ARHGEF18: variants seen among roughly 807,000 people sequenced by gnomAD.
ARHGEF18 encodes the protein Rho/Rac guanine nucleotide exchange factor 18.
A neutral mutation model predicts 155.7 loss-of-function variants in ARHGEF18; 93 were observed. The observed-to-expected ratio is 0.60, with a 90% CI of 0.50 to 0.71. The LOEUF (loss-of-function observed/expected upper bound fraction) is 0.71. Among genes scored for constraint, ARHGEF18 ranks in the 30% least tolerant of loss-of-function variants. The pLI is 0.00. For missense variants in ARHGEF18, 1,593 were observed against 1,816.1 expected (o/e 0.88, Z 2.23); for synonymous variants, 742 against 753.1 (o/e 0.99, Z 0.24).
chr19:7,429,067 G>A (rs968101978), intron 10 of ARHGEF18, among the ~76,000 whole-genome samples: 17 of 152,224 alleles, frequency 1.1e-4, no homozygotes, highest in African/African-American at 3.4e-4. Flanking sequence ...ACTCTGACCC[G>A]GCCCCACAGC....
At chr19:7,388,778 A>G (rs952691862) in intron 10 of ARHGEF18, among the ~76,000 whole-genome samples, 2 of 145,922 alleles carry the variant, frequency 1.4e-5, no homozygotes, top group Non-Finnish European at 3.0e-5. Context: ...ATGGGGTTTC[A>G]CCATGTTGGC....
rs551743930 is a variant in ARHGEF18, at chr19:7,363,885, GGGAT to G, written c.15+991_15+994del. Among the ~76,000 whole-genome samples the G allele has an allele frequency of 4.1e-4, 56 of 137,844 alleles. 1 individual carries two copies. The South Asian group carries it at 0.013, about 32-fold the overall frequency. 90.4% of individuals were successfully genotyped at this position (137,844 alleles called of 152,430 possible). A position where few individuals can be genotyped will look rare whatever the true frequency, so the allele number is the denominator to read the frequency against. On this transcript the variant is annotated intron_variant, in intron 2 of 28. Coordinates refer to ENST00000668164, the MANE Select transcript of ARHGEF18 (RefSeq NM_001367823.1). ...GAAAAAAGGAAGAAAGGAAGGAAGG[GGGAT>G]GGATGGATGGGTTGATGGAAGGAAG...
At chr19:7,370,805 G>A (rs8099932) in intron 2 of ARHGEF18, among the ~76,000 whole-genome samples, 15,871 of 152,094 alleles carry the variant, frequency 0.1, 2,356 homozygotes, top group African/African-American at 0.31. Context: ...CGTTATGCTC[G>A]GTGAAATAAA....
chr19:7,439,972 C>A, intron 10 of ARHGEF18: 2 of 1,544,582 alleles, frequency 1.3e-6, no homozygotes, highest in South Asian at 2.4e-5. Context: ...ATCCTGCCCT[C>A]CAGACCCGCT....
rs878978658 is a variant in ARHGEF18 at position 7,466,949 on chromosome 19, G to T, written c.2936G>T (p.Arg979Leu). The part of the protein sequence containing the change: ...VEAPGTESDP[R>L]LPTVLESELV... ...GCGCCAGGCACGGAATCCGATCCCCGTCTGCCCACCGTCCTGGAGTCGGAG... is the reference window on the plus strand; with the variant it reads ...GCGCCAGGCACGGAATCCGATCCCCTTCTGCCCACCGTCCTGGAGTCGGAG... Residue 979 changes from arginine to leucine, a missense_variant, in exon 24 of 29, where the codon CGT becomes CTT. Coordinates refer to ENST00000668164, the MANE Select transcript of ARHGEF18 (RefSeq NM_001367823.1). The T allele has an allele frequency of 1.2e-6, 2 of 1,613,292 alleles. No individual in the cohort carries two copies. The highest frequency in any genetic ancestry group is 1.7e-6 in the Non-Finnish European group (2 of 1,180,000).
intron 17 of ARHGEF18, among the ~76,000 whole-genome samples, chr19:7,455,316 G>C (rs973113673): frequency 6.6e-6 from 1 of 152,212 alleles, no homozygotes; most frequent in Admixed American, 6.5e-5. Context: ...GGAAAAACTA[G>C]TTAGAAGTCC....
intron 10 of ARHGEF18, among the ~76,000 whole-genome samples, chr19:7,425,403 G>T (rs1382710465): frequency 6.6e-6 from 1 of 152,152 alleles, no homozygotes; most frequent in Non-Finnish European, 1.5e-5. Flanking sequence ...TTAAGAATGG[G>T]CCGGGCACAG....
At chr19:7,416,898 C>T (rs958291556) in intron 10 of ARHGEF18, among the ~76,000 whole-genome samples, 5 of 151,308 alleles carry the variant, frequency 3.3e-5, no homozygotes, top group South Asian at 2.1e-4. Flanking sequence ...CCACCATGCC[C>T]GGCTGTTTTT....
At position 7,463,722 on chromosome 19, in the gene ARHGEF18, C is replaced by T; in HGVS notation, c.2636-96C>T. On this transcript the variant is annotated intron_variant, in intron 21 of 28. Transcript: ENST00000668164. The surrounding 1 kb of genome is among the most constrained non-coding windows in gnomAD (Gnocchi z 5.2). ...CAGGCGATCACCACCCCAGTGAGTC[C>T]CTCCGTCCACCCGGGTCTCGCTGCC... is the stretch of plus-strand genomic sequence containing the variant. 1 of 1,416,114 alleles carries T rather than the reference C, an allele frequency of 7.1e-7. No homozygotes were observed. The highest frequency in any genetic ancestry group is 9.4e-7 in the Non-Finnish European group (1 of 1,062,048). The allele number at this position is 1,416,114 out of a possible 1,614,324, so 87.7% of individuals were successfully genotyped here. A position where few individuals can be genotyped will look rare whatever the true frequency, so the allele number is the denominator to read the frequency against.
chr19:7,388,884 C>T (rs553100553), intron 10 of ARHGEF18, among the ~76,000 whole-genome samples: 1 of 151,968 alleles, frequency 6.6e-6, no homozygotes, highest in African/African-American at 2.4e-5. Context: ...CCTGGCCTGC[C>T]CTTTGATTTT....
intron 13 of ARHGEF18, among the ~76,000 whole-genome samples, chr19:7,442,263 GTCTC>G (rs1345134699): frequency 6.7e-6 from 1 of 149,332 alleles, no homozygotes; most frequent in African/African-American, 2.5e-5. Context: ...TTGAGACACA[GTCTC>G]TCTCTATTGC....
chr19:7,432,416 T>C (rs1202189716), intron 10 of ARHGEF18, among the ~76,000 whole-genome samples: 6 of 152,180 alleles, frequency 3.9e-5, no homozygotes, highest in South Asian at 2.1e-4. Context: ...AAGGAGTCAT[T>C]ATTTCTGAGA....
At chr19:7,465,928 A>G (rs1480457998) in intron 23 of ARHGEF18, among the ~76,000 whole-genome samples, 2 of 152,090 alleles carry the variant, frequency 1.3e-5, no homozygotes, top group African/African-American at 2.4e-5. Flanking sequence ...TACTAAAAAT[A>G]TAAAAATTAG....
rs1357973748 is a variant in ARHGEF18, at chr19:7,424,507, G to A, written c.968-15837G>A. On this transcript the variant is annotated intron_variant, in intron 10 of 28. Coordinates refer to ENST00000668164, the MANE Select transcript of ARHGEF18 (RefSeq NM_001367823.1). ...AATGCCTCGAATGTCTAACAGCAGG[G>A]AAACGATTAAAGCGATACTTACAAA... Among the ~76,000 whole-genome samples the A allele has an allele frequency of 2.6e-5, 4 of 152,154 alleles. No individual in the cohort carries two copies. In the East Asian group the frequency reaches 7.7e-4, roughly 29 times the overall value.
chr19:7,442,536 C>CTCTCTCTCTGTCTT lies in ARHGEF18; in HGVS notation c.1360+489_1360+490insCTCTGTCTTTCTCT, dbSNP rs1974727861. Among the ~76,000 whole-genome samples the CTCTCTCTCTGTCTT allele has an allele frequency of 6.6e-5, 10 of 152,022 alleles. No individual in the cohort carries two copies. The South Asian group carries it at 2.1e-3, about 32-fold the overall frequency. On this transcript the variant is annotated intron_variant, in intron 13 of 28. Coordinates refer to ENST00000668164, the MANE Select transcript of ARHGEF18 (RefSeq NM_001367823.1). ...AGGCGTGAGCCACGGTGCCTGGCCT[C>CTCTCTCTCTGTCTT]TCTCTGTCTTTCTCTCTCCTCTCTT...
chr19:7,477,918 A>G, the ARHGEF18 span, among the ~76,000 whole-genome samples: 62 of 152,250 alleles, frequency 4.1e-4, no homozygotes, highest in Non-Finnish European at 3.5e-4. Flanking sequence ...GCTACTCGGG[A>G]AGCTGAAACA....
chr19:7,444,476 T>C lies in ARHGEF18; in HGVS notation c.1611+22T>C, dbSNP rs751173821. The C allele has an allele frequency of 1.2e-6, 2 of 1,608,484 alleles. No homozygotes were observed. The highest frequency in any genetic ancestry group is 2.2e-5 in the South Asian group (2 of 91,002). ...GCAGGTGGGTGCAGCCGTGTTCATC[T>C]CAACAGTCTTCAAAGCCTCTGCCTT... On this transcript the variant is annotated intron_variant, in intron 14 of 28. Transcript: ENST00000668164. This position sits in a 1 kb window ranked among gnomAD's most constrained non-coding sequence, Gnocchi z 4.7.
chr19:7,367,758 A>AAAAATAT (rs377535487), intron 2 of ARHGEF18, among the ~76,000 whole-genome samples: 2 of 74,114 alleles, frequency 2.7e-5, no homozygotes, highest in South Asian at 3.5e-4. Flanking sequence ...AAAAAAAAAA[A>AAAAATAT]ATATATATAT....
At chr19:7,473,689 A>G (rs914263997), downstream of ARHGEF18, among the ~76,000 whole-genome samples, 3 of 151,888 alleles carry the variant, frequency 2.0e-5, no homozygotes, top group South Asian at 2.1e-4. Context: ...GGGCGCCTGT[A>G]GTCCCAGCTA....
Sources: allele counts gnomAD v4.1 joint callset (sites outside exome capture counted in the v4.1 genomes callset), GRCh38; gene constraint gnomAD v4.1.1; non-coding constraint Gnocchi (gnomAD v3.1); transcripts MANE v1.5; gene names NCBI Gene and HGNC (gene_info 2026-07-23, HGNC 2026-07-21).